Variants in TRIM38 observed in about 807,000 individuals in gnomAD.
TRIM38 encodes E3 ubiquitin-protein ligase TRIM38.
In TRIM38, 35 loss-of-function variants were observed where a neutral mutation model predicts 35.8. The observed-to-expected ratio is 0.98, with a 90% CI of 0.75 to 1.30. TRIM38 has a LOEUF of 1.30. TRIM38 is among the 50% of genes most tolerant of loss of function. The pLI, the probability that TRIM38 is intolerant of heterozygous loss-of-function variation, is 0.00. For synonymous variants in TRIM38, 198 were observed against 204.7 expected, an observed-to-expected ratio of 0.97 and a Z score of 0.28; for missense variants, 545 against 556.9, an observed-to-expected ratio of 0.98 and a Z score of 0.21.
intron 7 of TRIM38, among the ~76,000 whole-genome samples, chr6:25,980,061 C>T (rs1760501731): frequency 6.6e-6 from 1 of 152,098 alleles, no homozygotes. Context: ...AGACTGTTTT[C>T]TGCCTAGTAT....
intron 7 of TRIM38, among the ~76,000 whole-genome samples, chr6:25,981,334 G>C (rs997756414): frequency 6.6e-6 from 1 of 152,248 alleles, no homozygotes; most frequent in East Asian, 1.9e-4. Context: ...GCCTTCCTGG[G>C]CACAGAGCAA....
Position 25,971,869 on chromosome 6 carries a change from G to A in TRIM38, c.508G>A (p.Glu170Lys), listed in dbSNP as rs914561420. Residue 170 changes from glutamate to lysine, a missense_variant and splice_region_variant, in exon 5 of 8, where the codon GAG becomes AAG. Coordinates refer to ENST00000357085, the MANE Select transcript of TRIM38 (RefSeq NM_006355.5). ...STAMRITKWK[E>K]KVQIQRQKIR... Reference sequence around the variant, plus strand: ...TTTGACCATACTTTCTTGACTCCAGGAGAAGGTACAGATTCAGAGACAAAA... The same window carrying A: ...TTTGACCATACTTTCTTGACTCCAGAAGAAGGTACAGATTCAGAGACAAAA... 5 of 1,613,426 alleles carry A rather than the reference G, an allele frequency of 3.1e-6. No homozygotes were observed. Among genetic ancestry groups the A allele is most frequent in the Non-Finnish European group, 4.2e-6 (5 of 1,179,528 alleles).
Position 25,986,747 on chromosome 6 carries a change from AG to A in TRIM38, c.*3062del, listed in dbSNP as rs1760717607. 3 of 152,152 alleles carry A rather than the reference AG, an allele frequency of 2.0e-5. No individual in the cohort carries two copies. Among genetic ancestry groups the A allele is most frequent in the African/African-American group, 7.2e-5 (3 of 41,446 alleles). The allele number at this position is 152,152 out of a possible 1,614,324, so 9.4% of individuals were successfully genotyped here. A position where few individuals can be genotyped will look rare whatever the true frequency, so the allele number is the denominator to read the frequency against. On this transcript the variant is annotated 3_prime_UTR_variant, in exon 8 of 8. Coordinates refer to ENST00000357085, the MANE Select transcript of TRIM38 (RefSeq NM_006355.5). ...GAAGTCTGGGAAGCCCAGAAAATCC[AG>A]GTCTTGTTTGTGTATGGAAACTCCA... is the stretch of plus-strand genomic sequence containing the variant.
rs1369271989 is a variant in TRIM38 at position 25,987,600 on chromosome 6, C to CAA, written c.*3914_*3915dup. The CAA allele has an allele frequency of 2.0e-5, 3 of 152,176 alleles. No individual in the cohort carries two copies. Among genetic ancestry groups the CAA allele is most frequent in the Admixed American group, 2.0e-4 (3 of 15,284 alleles). 9.4% of individuals were successfully genotyped at this position (152,176 alleles called of 1,614,324 possible). ...TTGTGGGAAACACAAACATTTACTT[C>CAA]AACTGTAACTATTGAAGCAAAAATG... is the stretch of plus-strand genomic sequence containing the variant. On this transcript the variant is annotated 3_prime_UTR_variant, in exon 8 of 8. Coordinates refer to ENST00000357085, the MANE Select transcript of TRIM38 (RefSeq NM_006355.5).
chr6:25,977,143 G>A (rs1168663988), intron 7 of TRIM38, among the ~76,000 whole-genome samples: 1 of 152,180 alleles, frequency 6.6e-6, no homozygotes, highest in Non-Finnish European at 1.5e-5. Context: ...TCAAAATTAA[G>A]TAGACACATT....
At chr6:25,967,631 G>T (rs938831128) in intron 3 of TRIM38, among the ~76,000 whole-genome samples, 2 of 147,132 alleles carry the variant, frequency 1.4e-5, no homozygotes, top group Admixed American at 1.4e-4. Flanking sequence ...AACCTTCTGG[G>T]GCTCAAGCAA....
At chr6:25,972,516 C>T (rs766784019) in intron 5 of TRIM38, among the ~76,000 whole-genome samples, 6 of 152,180 alleles carry the variant, frequency 3.9e-5, no homozygotes, top group African/African-American at 7.2e-5. Flanking sequence ...GGAAGATAAA[C>T]ATCTGGAGCC....
At chr6:25,969,578 G>A (rs1053325186) in intron 4 of TRIM38, among the ~76,000 whole-genome samples, 158 bp downstream of exon 4, 1 of 152,154 alleles carries the variant, frequency 6.6e-6, no homozygotes, top group Non-Finnish European at 1.5e-5. Flanking sequence ...TATGCCCCTG[G>A]TTCCAGGTTT....
intron 6 of TRIM38, 37 bp downstream of exon 6, chr6:25,973,113 C>T (rs777736616): frequency 5.6e-6 from 9 of 1,613,798 alleles, no homozygotes; most frequent in African/African-American, 2.7e-5. Context: ...GAGGGGTGTG[C>T]GTATATAGAA....
chr6:25,974,889 T>C, intron 7 of TRIM38: 1 of 985,328 alleles, frequency 1.0e-6, no homozygotes, highest in South Asian at 4.7e-5. Context: ...CACTCTGTAT[T>C]TCATCCTATA....
chr6:25,983,961 T>C lies in TRIM38; in HGVS notation c.*274T>C. 3.2e-6 allele frequency: 1 copy of C among 309,894 alleles called. No individual in the cohort carries two copies. The highest frequency in any genetic ancestry group is 2.2e-5 in the African/African-American group (1 of 46,352). The allele number at this position is 309,894 out of a possible 1,614,324, so 19.2% of individuals were successfully genotyped here. On this transcript the variant is annotated 3_prime_UTR_variant, in exon 8 of 8. Transcript: ENST00000357085. ...CGTCTTTAATGGGTCAGGGCTTTGA[T>C]TTCCAAGGGTCTTCAGGTGATGAGT...
At position 25,972,015 on chromosome 6, in the gene TRIM38, T is replaced by G. The variant is rs1581601764; in HGVS notation, c.654T>G (p.Gly218=). ...TLSRLRDYEA[G]LGLKSNELKS... is the part of the protein sequence containing the mutation. ...GTAGACTGAGGGACTATGAGGCTGG[T>G]CTGGGGCTGAAGAGCAATGAACTCA... Residue 218 remains glycine, a synonymous_variant, in exon 5 of 8, where the codon GGT becomes GGG. Coordinates refer to ENST00000357085, the MANE Select transcript of TRIM38 (RefSeq NM_006355.5). 6.2e-7 allele frequency: 1 copy of G among 1,613,906 alleles called. No homozygotes were observed. Among genetic ancestry groups the G allele is most frequent in the Non-Finnish European group, 8.5e-7 (1 of 1,179,990 alleles).
chr6:25,963,740 G>A (rs1475936707), intron 2 of TRIM38, among the ~76,000 whole-genome samples: 1 of 152,070 alleles, frequency 6.6e-6, no homozygotes, highest in Non-Finnish European at 1.5e-5. Context: ...GGATAAACCG[G>A]TTCTTCTGGT....
intron 5 of TRIM38, 102 bp downstream of exon 5, chr6:25,972,201 T>A (rs899984371): frequency 9.8e-7 from 1 of 1,023,674 alleles, no homozygotes; most frequent in African/African-American, 1.6e-5. Context: ...TTCTTTTAGA[T>A]GTACATCAGT....
Position 25,983,266 on chromosome 6 carries a change from C to A in TRIM38, c.977C>A (p.Ser326Tyr), listed in dbSNP as rs767432453. The A allele has an allele frequency of 1.9e-6, 3 of 1,614,056 alleles. No homozygotes were observed. The highest frequency in any genetic ancestry group is 2.5e-6 in the Non-Finnish European group (3 of 1,180,030). Reference sequence around the variant, plus strand: ...TACACCCAGGAGAATCAGGACACATCTTCCAGGAGATTTACTGCCTTCCCC... The same window carrying A: ...TACACCCAGGAGAATCAGGACACATATTCCAGGAGATTTACTGCCTTCCCC... The part of the protein sequence containing the change: ...RGYTQENQDT[S>Y]SRRFTAFPCV... Residue 326 changes from serine to tyrosine, a missense_variant, in exon 8 of 8, where the codon TCT becomes TAT. Coordinates refer to ENST00000357085, the MANE Select transcript of TRIM38 (RefSeq NM_006355.5).
chr6:25,982,527 C>T (rs199756), intron 7 of TRIM38, among the ~76,000 whole-genome samples: 2,037 of 152,214 alleles, frequency 0.013, 48 homozygotes, highest in African/African-American at 0.046. Context: ...TTGACCCCGC[C>T]GGACTTTGTA....
At chr6:25,983,141 G>T (rs764952584) in intron 7 of TRIM38, 23 bp from the exon 8 acceptor site, 2 of 1,534,310 alleles carry the variant, frequency 1.3e-6, no homozygotes, top group African/African-American at 2.8e-5. Context: ...AATTATTTTT[G>T]TTTGTTTTGT....
chr6:25,982,402 T>C (rs2113619673), intron 7 of TRIM38, among the ~76,000 whole-genome samples: 1 of 152,330 alleles, frequency 6.6e-6, no homozygotes, highest in East Asian at 1.9e-4. Flanking sequence ...GCTTCTTTGT[T>C]TGATCACCAA....
Position 25,988,492 on chromosome 6 carries a change from C to CTTTATTTTTT in TRIM38, c.*4808_*4809insATTTTTTTTT, listed in dbSNP as rs1259308684. The CTTTATTTTTT allele has an allele frequency of 6.6e-5, 2 of 30,126 alleles. No individual in the cohort carries two copies. The highest frequency in any genetic ancestry group is 1.7e-3 in the East Asian group (1 of 572). The allele number at this position is 30,126 out of a possible 1,614,324, so 1.9% of individuals were successfully genotyped here. On this transcript the variant is annotated 3_prime_UTR_variant, in exon 8 of 8. Transcript: ENST00000357085. ...TCTTTTTCTTTTTCTTTTTTCTTTT[C>CTTTATTTTTT]TTTCTTTTTTTTTTTTTTTTTGAGA...
Sources: gnomAD v4.1 joint callset for allele counts (sites outside exome capture counted in the v4.1 genomes callset) on GRCh38, gnomAD v4.1.1 for gene constraint, MANE v1.5 for transcripts, NCBI Gene and HGNC (gene_info 2026-07-23, HGNC 2026-07-21) for gene names.